Variants in CYP2J2 observed in about 807,000 individuals in gnomAD.
The protein encoded by CYP2J2 is cytochrome P450 2J2.
A neutral mutation model predicts 48.8 loss-of-function variants in CYP2J2; 41 were observed. That is an observed-to-expected ratio of 0.84 (90% CI 0.66 to 1.09). The LOEUF (loss-of-function observed/expected upper bound fraction) is 1.09, where lower values mean the gene tolerates loss of function less well. Among genes scored for constraint, CYP2J2 ranks in the 50% least tolerant of loss-of-function variants. The pLI is 0.00. For missense variants in CYP2J2, 644 were observed against 617.3 expected (o/e 1.04, Z -0.46); for synonymous variants, 221 against 227.1 (o/e 0.97, Z 0.24).
At chr1:59,911,484 A>C in intron 4 of CYP2J2, 124 bp downstream of exon 4, 1 of 621,472 alleles carries the variant, frequency 1.6e-6, no homozygotes, top group East Asian at 2.8e-5. Flanking sequence ...TTTGTGTTGA[A>C]ATTAGTTTTG....
At chr1:59,968,273 T>C in the CYP2J2 span, among the ~76,000 whole-genome samples, 1 of 151,928 alleles carries the variant, frequency 6.6e-6, no homozygotes, top group Non-Finnish European at 1.5e-5. Context: ...ATGAAAATAT[T>C]TGGACTTATT....
the CYP2J2 span, among the ~76,000 whole-genome samples, chr1:59,933,139 G>A: frequency 6.6e-6 from 1 of 152,140 alleles, no homozygotes; most frequent in South Asian, 2.1e-4. Flanking sequence ...TACCCATAAA[G>A]CAGTATAGTA....
intron 8 of CYP2J2, among the ~76,000 whole-genome samples, chr1:59,895,134 C>A (rs1644257507): frequency 1.3e-5 from 2 of 152,180 alleles, no homozygotes; most frequent in Admixed American, 1.3e-4. Flanking sequence ...GATGCATGAC[C>A]AACATCTTCC....
the CYP2J2 span, among the ~76,000 whole-genome samples, chr1:59,955,900 GTGTGTA>G: frequency 6.6e-6 from 1 of 152,144 alleles, no homozygotes; most frequent in Non-Finnish European, 1.5e-5. Context: ...CATCAAGTGT[GTGTGTA>G]TGTGTGTGTG....
rs182781288 is a variant in CYP2J2, at chr1:59,895,935, T to C, written c.1331-2106A>G. 2.8e-3 allele frequency among the ~76,000 whole-genome samples: 421 copies of C among 152,320 alleles called. 2 individuals are homozygous for C. Among genetic ancestry groups the C allele is most frequent in the African/African-American group, 9.7e-3 (404 of 41,566 alleles). On this transcript the variant is annotated intron_variant, in intron 8 of 8. Coordinates refer to ENST00000371204, the MANE Select transcript of CYP2J2 (RefSeq NM_000775.4). ...CATTTATTGATATCAGTTAAATGCA[T>C]GGGATTCCTGTTTTTATTCAAAGGG...
chr1:59,963,905 C>A, the CYP2J2 span, among the ~76,000 whole-genome samples: 1 of 152,072 alleles, frequency 6.6e-6, no homozygotes, highest in Admixed American at 6.5e-5. Flanking sequence ...ATCTGTTATA[C>A]TCTGTGAGTA....
At chr1:59,915,838 T>G in intron 2 of CYP2J2, 100 bp downstream of exon 2, 1 of 1,175,700 alleles carries the variant, frequency 8.5e-7, no homozygotes. Flanking sequence ...ATGGGGCTGG[T>G]TTCTAGGAGT....
At chr1:59,912,829 T>C (rs1289463750) in intron 2 of CYP2J2, 1 of 153,048 alleles carries the variant, frequency 6.5e-6, no homozygotes, top group East Asian at 1.9e-4. Context: ...AGAAAGGCTT[T>C]ATAGGAGAGG....
At chr1:59,937,990 T>G in the CYP2J2 span, among the ~76,000 whole-genome samples, 4 of 152,204 alleles carry the variant, frequency 2.6e-5, no homozygotes, top group Non-Finnish European at 5.9e-5. Context: ...TTATCTTGAC[T>G]TTCTTTGAGT....
intron 7 of CYP2J2, chr1:59,904,484 A>C (rs1177075604): frequency 6.2e-6 from 1 of 160,012 alleles, no homozygotes; most frequent in Non-Finnish European, 1.4e-5. Context: ...GAATTTCCCA[A>C]AGTTTGGCAG....
chr1:59,946,668 A>C, the CYP2J2 span, among the ~76,000 whole-genome samples: 1,808 of 152,306 alleles, frequency 0.012, 40 homozygotes, highest in African/African-American at 0.041. Context: ...GAAGTACAGA[A>C]AATAAAGCAA....
At chr1:59,915,017 T>C (rs1322576432) in intron 2 of CYP2J2, among the ~76,000 whole-genome samples, 1 of 152,160 alleles carries the variant, frequency 6.6e-6, no homozygotes, top group East Asian at 1.9e-4. Context: ...GATGTTTGGG[T>C]GGAGAAAAGC....
intron 1 of CYP2J2, among the ~76,000 whole-genome samples, chr1:59,918,683 C>A (rs1285542126): frequency 9.5e-5 from 14 of 147,628 alleles, no homozygotes; most frequent in Non-Finnish European, 1.9e-4. Context: ...AAAAAAAAAA[C>A]CTTAACAGAA....
chr1:59,923,123 C>T (rs553832166), intron 1 of CYP2J2, among the ~76,000 whole-genome samples: 3 of 152,320 alleles, frequency 2.0e-5, no homozygotes, highest in South Asian at 4.1e-4. Flanking sequence ...CTCTTCCCTC[C>T]GTAGTAAAGC....
At chr1:59,924,878 A>G (rs1477688241) in intron 1 of CYP2J2, among the ~76,000 whole-genome samples, 1 of 152,092 alleles carries the variant, frequency 6.6e-6, no homozygotes, top group Non-Finnish European at 1.5e-5. Context: ...AGAATGAAAA[A>G]AAAGACCCAA....
At chr1:59,915,372 A>G (rs1225591351) in intron 2 of CYP2J2, among the ~76,000 whole-genome samples, 1 of 152,170 alleles carries the variant, frequency 6.6e-6, no homozygotes, top group East Asian at 1.9e-4. Flanking sequence ...CTTCATACCT[A>G]AAAGTGGTGA....
At chr1:59,967,004 T>C in the CYP2J2 span, among the ~76,000 whole-genome samples, 2 of 152,154 alleles carry the variant, frequency 1.3e-5, no homozygotes, top group African/African-American at 4.8e-5. Flanking sequence ...AAACAAATCA[T>C]TTTACTTTTA....
intron 8 of CYP2J2, among the ~76,000 whole-genome samples, chr1:59,898,397 G>A (rs140845733): frequency 0.012 from 1,838 of 152,290 alleles, 37 homozygotes; most frequent in African/African-American, 0.042. Flanking sequence ...CACTGTCCCA[G>A]GTGAAGATAT....
At position 59,911,337 on chromosome 1, in the gene CYP2J2, T is replaced by G. The variant is rs11572260; in HGVS notation, c.684+271A>C. On this transcript the variant is annotated intron_variant, in intron 4 of 8. Coordinates refer to ENST00000371204, the MANE Select transcript of CYP2J2 (RefSeq NM_000775.4). ...GGCAACAGCAATATTGTTTTTCTTT[T>G]TAAAAAGAACAACATAGGTGGATAG... Among the ~76,000 whole-genome samples, 628 of 152,246 alleles carry G rather than the reference T, an allele frequency of 4.1e-3. 7 individuals carry two copies. The highest frequency in any genetic ancestry group is 0.015 in the African/African-American group (603 of 41,548).
Sources: gnomAD v4.1 joint callset for allele counts (sites outside exome capture counted in the v4.1 genomes callset) on GRCh38, gnomAD v4.1.1 for gene constraint, MANE v1.5 for transcripts, NCBI Gene and HGNC (gene_info 2026-07-23, HGNC 2026-07-21) for gene names.